Variants in NBPF15 observed in about 807,000 individuals in gnomAD.
NBPF15 encodes NBPF member 15.
In NBPF15, 74 loss-of-function variants were observed where a neutral mutation model predicts 62.2. The observed-to-expected ratio is 1.19, with a 90% confidence interval of 0.99 to 1.44. The LOEUF (loss-of-function observed/expected upper bound fraction) is 1.44. NBPF15 is among the 40% of genes most tolerant of loss of function. NBPF15 has a pLI of 0.00. For synonymous variants in NBPF15, 244 were observed against 209.7 expected, an observed-to-expected ratio of 1.16 and a Z score of -1.41; for missense variants, 790 against 550.0, an observed-to-expected ratio of 1.44 and a Z score of -4.36.
intron 21 of NBPF15, among the ~76,000 whole-genome samples, chr1:144,423,505 C>T (rs61812437): frequency 6.7e-6 from 1 of 149,832 alleles, no homozygotes; most frequent in African/African-American, 2.4e-5. Context: ...TAGTGAATTG[C>T]CCAGGTGACA....
chr1:144,457,918 T>C (rs1208460770), intron 3 of NBPF15, among the ~76,000 whole-genome samples: 2 of 151,856 alleles, frequency 1.3e-5, no homozygotes, highest in Non-Finnish European at 2.9e-5. Context: ...AGGAAAACCC[T>C]GTCTACAAAA....
At chr1:144,441,455 T>C (rs1490449198) in intron 6 of NBPF15, among the ~76,000 whole-genome samples, 1 of 150,654 alleles carries the variant, frequency 6.6e-6, no homozygotes, top group East Asian at 1.9e-4. Flanking sequence ...ATTTTTATAT[T>C]CATTGATATA....
chr1:144,438,295 A>G (rs1680157189), intron 8 of NBPF15, among the ~76,000 whole-genome samples: 1 of 150,214 alleles, frequency 6.7e-6, no homozygotes, highest in South Asian at 2.1e-4. Flanking sequence ...ATTCAACCAC[A>G]ACAAAGTGGA....
intron 4 of NBPF15, among the ~76,000 whole-genome samples, chr1:144,456,051 G>A (rs1553546879): frequency 6.6e-6 from 1 of 151,816 alleles, no homozygotes; most frequent in East Asian, 1.9e-4. Context: ...TCCCCATCCT[G>A]GACACATCTA....
chr1:144,439,431 C>T (rs373371768), intron 8 of NBPF15, among the ~76,000 whole-genome samples: 2 of 151,808 alleles, frequency 1.3e-5, no homozygotes, highest in Admixed American at 6.6e-5. Context: ...GTTGGGCCTC[C>T]ACAGAAACTT....
At chr1:144,433,115 T>G (rs1363458692) in intron 13 of NBPF15, among the ~76,000 whole-genome samples, 1 of 152,014 alleles carries the variant, frequency 6.6e-6, no homozygotes, top group African/African-American at 2.4e-5. Context: ...CAGACCACAG[T>G]GCCATCAAAT....
chr1:144,434,795 G>C (rs1380590313), intron 12 of NBPF15, among the ~76,000 whole-genome samples: 1 of 151,860 alleles, frequency 6.6e-6, no homozygotes, highest in African/African-American at 2.4e-5. Context: ...CATTGTTCAG[G>C]GACAGATGAC....
intron 19 of NBPF15, among the ~76,000 whole-genome samples, chr1:144,425,221 C>T (rs1299014759): frequency 2.0e-5 from 2 of 99,278 alleles, no homozygotes; most frequent in South Asian, 4.0e-4. Flanking sequence ...ATACAGTGAT[C>T]ATGAAAAGAC....
chr1:144,428,789 A>T (rs1671944366), intron 14 of NBPF15, 132 bp from the exon 15 acceptor site: 6 of 609,310 alleles, frequency 9.8e-6, no homozygotes, highest in Non-Finnish European at 1.7e-5. Context: ...TGAGAGAAAT[A>T]TTCCAGTAGG....
intron 4 of NBPF15, among the ~76,000 whole-genome samples, 165 bp from the exon 5 acceptor site, chr1:144,451,035 C>A (rs1272291661): frequency 1.3e-5 from 2 of 151,950 alleles, no homozygotes; most frequent in African/African-American, 2.4e-5. Flanking sequence ...TATGGAGGAC[C>A]CATGCCAGCA....
chr1:144,440,753 C>T (rs1327885136), intron 6 of NBPF15, among the ~76,000 whole-genome samples: 10 of 149,316 alleles, frequency 6.7e-5, no homozygotes, highest in African/African-American at 1.7e-4. Context: ...CCCAGGTTCA[C>T]GCTATTCTCC....
At chr1:144,443,961 G>A (rs1269593268) in intron 6 of NBPF15, among the ~76,000 whole-genome samples, 5 of 151,436 alleles carry the variant, frequency 3.3e-5, no homozygotes, top group Non-Finnish European at 7.4e-5. Flanking sequence ...AGGTCCGTTT[G>A]CATTTTTAAC....
chr1:144,431,701 T>A (rs1221778487), intron 13 of NBPF15, among the ~76,000 whole-genome samples: 1 of 122,378 alleles, frequency 8.2e-6, no homozygotes, highest in East Asian at 2.4e-4. Flanking sequence ...GTCCATGTGT[T>A]CTCATTGTTC....
intron 4 of NBPF15, among the ~76,000 whole-genome samples, chr1:144,453,662 A>AAAAAAAAAG (rs1165682772): frequency 4.6e-5 from 4 of 86,782 alleles, no homozygotes; most frequent in Non-Finnish European, 9.8e-5. Context: ...AAAAAAAAAA[A>AAAAAAAAAG]GTGAAACATC....
intron 10 of NBPF15, among the ~76,000 whole-genome samples, chr1:144,436,131 T>C (rs1678107068): frequency 6.6e-6 from 1 of 152,062 alleles, no homozygotes; most frequent in African/African-American, 2.4e-5. Flanking sequence ...TCTCTGGACA[T>C]TGGCAGCTGT....
chr1:144,438,315 C>A (rs1349372247), intron 8 of NBPF15, among the ~76,000 whole-genome samples: 3 of 151,060 alleles, frequency 2.0e-5, no homozygotes, highest in African/African-American at 7.4e-5. Flanking sequence ...AGTCAGAATT[C>A]ACAGTCCCTG....
chr1:144,439,079 G>A (rs1205584528), intron 8 of NBPF15, among the ~76,000 whole-genome samples: 6 of 151,766 alleles, frequency 4.0e-5, no homozygotes, highest in Non-Finnish European at 1.5e-5. Context: ...AGCCTCCTGG[G>A]TTCAAAGGAT....
intron 4 of NBPF15, among the ~76,000 whole-genome samples, chr1:144,455,721 G>A (rs1462843148): frequency 1.3e-5 from 2 of 151,926 alleles, no homozygotes; most frequent in South Asian, 2.1e-4. Flanking sequence ...GGACCTGGTG[G>A]ACGGCCACGT....
chr1:144,460,849 T>C lies in NBPF15; in HGVS notation c.-825A>G, dbSNP rs1265495699. On this transcript the variant is annotated 5_prime_UTR_variant, in exon 2 of 22. Transcript: ENST00000581897. ...ACCCCACAATCCAACCTACCGGAAATCCTGCGGTGAATTAGAGGCCTGCCC... is the reference window on the plus strand; with the variant it reads ...ACCCCACAATCCAACCTACCGGAAACCCTGCGGTGAATTAGAGGCCTGCCC... The C allele has an allele frequency of 6.6e-6, 1 of 150,842 alleles. No individual in the cohort carries two copies. The highest frequency in any genetic ancestry group is 1.5e-5 in the Non-Finnish European group (1 of 67,752). 9.3% of individuals were successfully genotyped at this position (150,842 alleles called of 1,614,324 possible).
Sources: allele counts gnomAD v4.1 joint callset (sites outside exome capture counted in the v4.1 genomes callset), GRCh38; gene constraint gnomAD v4.1.1; transcripts MANE v1.5; gene names NCBI Gene and HGNC (gene_info 2026-07-23, HGNC 2026-07-21).